Variants in SCOC observed in about 807,000 individuals in gnomAD.
SCOC encodes short coiled coil protein.
Under a neutral mutation model 9.9 loss-of-function variants are expected in SCOC, and 7 were observed. That is an observed-to-expected ratio of 0.71 (90% CI 0.40 to 1.33). The LOEUF (loss-of-function observed/expected upper bound fraction) is 1.33, where lower values mean the gene tolerates loss of function less well. Among genes scored for constraint, SCOC ranks in the 40% most tolerant of loss-of-function variants. The pLI, the probability that SCOC is intolerant of heterozygous loss-of-function variation, is 0.01. For missense variants in SCOC, 66 were observed against 89.7 expected, an observed-to-expected ratio of 0.74 and a Z score of 1.07; for synonymous variants, 19 against 28.2, an observed-to-expected ratio of 0.67 and a Z score of 1.03.
At chr4:140,374,799 G>A (rs1226578374) in intron 1 of SCOC, among the ~76,000 whole-genome samples, 1 of 152,172 alleles carries the variant, frequency 6.6e-6, no homozygotes, top group African/African-American at 2.4e-5. Flanking sequence ...CAAATTCTTG[G>A]TAGAGACATT....
chr4:140,258,560 ATC>A (rs1730561155), intron 1 of SCOC, among the ~76,000 whole-genome samples: 1 of 152,126 alleles, frequency 6.6e-6, no homozygotes, highest in Non-Finnish European at 1.5e-5. Flanking sequence ...TGCCATGCCA[ATC>A]TCTCTCTCCT....
At chr4:140,368,498 T>G (rs1270964165) in intron 2 of SCOC, among the ~76,000 whole-genome samples, 1 of 152,188 alleles carries the variant, frequency 6.6e-6, no homozygotes, top group Admixed American at 6.5e-5. Context: ...AAATAAGGAC[T>G]GTAAACCAAA....
chr4:140,269,476 G>A (rs1730797091), intron 1 of SCOC, among the ~76,000 whole-genome samples: 1 of 152,084 alleles, frequency 6.6e-6, no homozygotes, highest in Non-Finnish European at 1.5e-5. Flanking sequence ...CAGTCTCGGA[G>A]GAGCTCAGCT....
At chr4:140,335,570 T>C (rs1218691877) in intron 1 of SCOC, among the ~76,000 whole-genome samples, 2 of 152,236 alleles carry the variant, frequency 1.3e-5, no homozygotes, top group Non-Finnish European at 2.9e-5. Context: ...GAACCTTTTA[T>C]ACCAAAGAGG....
At chr4:140,346,781 A>G (rs1160103877) in intron 2 of SCOC, among the ~76,000 whole-genome samples, 4 of 151,886 alleles carry the variant, frequency 2.6e-5, no homozygotes, top group African/African-American at 9.7e-5. Flanking sequence ...AGACCTGTCC[A>G]TGCCATCTAA....
chr4:140,280,749 A>T (rs961438188), intron 1 of SCOC, among the ~76,000 whole-genome samples: 1 of 152,196 alleles, frequency 6.6e-6, no homozygotes, highest in East Asian at 1.9e-4. Flanking sequence ...CACATCGGGT[A>T]GATTTTAACT....
intron 2 of SCOC, among the ~76,000 whole-genome samples, chr4:140,367,473 A>T (rs1727853988): frequency 6.6e-6 from 1 of 151,862 alleles, no homozygotes; most frequent in South Asian, 2.1e-4. Flanking sequence ...TCTGCCTCCC[A>T]GGTTCAGGCA....
chr4:140,338,980 A>C (rs570087543), upstream of SCOC, among the ~76,000 whole-genome samples: 1 of 152,174 alleles, frequency 6.6e-6, no homozygotes, highest in Non-Finnish European at 1.5e-5. Flanking sequence ...GAAAAAGAGC[A>C]CACATTGCCA....
chr4:140,321,946 C>G (rs1732511315), intron 1 of SCOC, among the ~76,000 whole-genome samples: 1 of 152,116 alleles, frequency 6.6e-6, no homozygotes, highest in Non-Finnish European at 1.5e-5. Context: ...AGGATAAATG[C>G]TGCTATAAAA....
intron 1 of SCOC, among the ~76,000 whole-genome samples, chr4:140,285,430 T>C (rs1731238404): frequency 6.6e-6 from 1 of 152,224 alleles, no homozygotes. Flanking sequence ...TTTACTGCTA[T>C]AGAAAACCAG....
intron 1 of SCOC, among the ~76,000 whole-genome samples, chr4:140,313,933 G>T (rs1190525797): frequency 6.6e-6 from 1 of 152,074 alleles, no homozygotes; most frequent in African/African-American, 2.4e-5. Context: ...TTCCAGACCA[G>T]CCTGGCCAAC....
chr4:140,362,313 T>TCCTCTTCCTCTTCCTC (rs1727594134), intron 2 of SCOC, among the ~76,000 whole-genome samples: 1 of 84,180 alleles, frequency 1.2e-5, no homozygotes, highest in Non-Finnish European at 2.7e-5. Context: ...TTTTTTTTTT[T>TCCTCTTCCTCTTCCTC]TTGTGAGAGT....
intron 1 of SCOC, among the ~76,000 whole-genome samples, chr4:140,332,869 T>C (rs928523637): frequency 1.3e-5 from 2 of 152,116 alleles, no homozygotes. Context: ...GACTCTGCCT[T>C]CCCCTACCCC....
intron 1 of SCOC, among the ~76,000 whole-genome samples, chr4:140,303,946 T>C (rs1458607636): frequency 2.0e-5 from 3 of 152,238 alleles, no homozygotes; most frequent in African/African-American, 7.2e-5. Flanking sequence ...CAAATTCTAA[T>C]GGAAAGTTTA....
rs190528871 is a variant in SCOC, at chr4:140,320,126, G to T, written c.-18-23495G>T. On this transcript the variant is annotated intron_variant, in intron 1 of 4. Transcript: ENST00000394205. The stretch of plus-strand genomic sequence containing the variant: ...GTCTGCACAAGATACGGATCATAAA[G>T]ACTTTGCTGATAAAACAGATTGCAG... 2.6e-5 allele frequency among the ~76,000 whole-genome samples: 4 copies of T among 152,258 alleles called. No homozygotes were observed. The East Asian group carries it at 7.7e-4, about 29-fold the overall frequency.
intron 1 of SCOC, among the ~76,000 whole-genome samples, chr4:140,268,436 A>T (rs1357045868): frequency 6.6e-6 from 1 of 152,220 alleles, no homozygotes; most frequent in African/African-American, 2.4e-5. Context: ...AAATGATGAT[A>T]AAAGTGATGA....
upstream of SCOC, among the ~76,000 whole-genome samples, chr4:140,369,641 T>TC (rs1727955366): frequency 3.3e-5 from 5 of 152,170 alleles, no homozygotes; most frequent in South Asian, 1.0e-3. Flanking sequence ...TATCATTTCT[T>TC]CCCCCACATA....
At chr4:140,370,787 T>A (rs868613973), upstream of SCOC, among the ~76,000 whole-genome samples, 17 of 152,232 alleles carry the variant, frequency 1.1e-4, no homozygotes, top group African/African-American at 3.9e-4. Flanking sequence ...AAACATTTTT[T>A]AAAAACCTTT....
intron 1 of SCOC, among the ~76,000 whole-genome samples, chr4:140,264,421 T>C (rs556158346): frequency 1.1e-4 from 17 of 152,310 alleles, no homozygotes; most frequent in African/African-American, 3.8e-4. Context: ...TTTCCTTATG[T>C]GTGACAGGGA....
Sources: allele counts gnomAD v4.1 joint callset (sites outside exome capture counted in the v4.1 genomes callset), GRCh38; gene constraint gnomAD v4.1.1; transcripts MANE v1.5; gene names NCBI Gene and HGNC (gene_info 2026-07-23, HGNC 2026-07-21).